The following ABI3BP variants were observed in gnomAD, a reference collection of about 807,000 sequenced individuals.
ABI3BP encodes the protein target of Nesh-SH3.
Under a neutral mutation model 268.6 loss-of-function variants are expected in ABI3BP, and 216 were observed. The ratio of observed to expected loss-of-function variants is 0.80; its 90% CI spans 0.72 to 0.90. The LOEUF is 0.90. ABI3BP is among the 40% of genes least tolerant of loss of function. ABI3BP has a pLI of 0.00. For missense variants in ABI3BP, 2,090 were observed against 2,182.4 expected (o/e 0.96, Z 0.84); for synonymous variants, 730 against 730.0 (o/e 1.00, Z 0.00).
At chr3:100,969,092 G>A (rs1169972521) in intron 1 of ABI3BP, among the ~76,000 whole-genome samples, 1 of 152,126 alleles carries the variant, frequency 6.6e-6, no homozygotes, top group East Asian at 1.9e-4. Flanking sequence ...CAAAGGGCGG[G>A]GAAGCATAGA....
intron 17 of ABI3BP, among the ~76,000 whole-genome samples, chr3:100,849,126 A>AAG (rs2098809599): frequency 6.6e-6 from 1 of 151,346 alleles, no homozygotes; most frequent in Admixed American, 6.6e-5. Context: ...AGAAGTGAGC[A>AAG]CCCTTGAGGC....
chr3:100,817,981 A>G (rs554281257), intron 41 of ABI3BP, among the ~76,000 whole-genome samples: 1 of 152,344 alleles, frequency 6.6e-6, no homozygotes, highest in East Asian at 1.9e-4. Flanking sequence ...TGATTCAGTA[A>G]AAGTTAAGAA....
At chr3:100,833,390 T>C (rs1029952340) in intron 29 of ABI3BP, among the ~76,000 whole-genome samples, 4 of 152,186 alleles carry the variant, frequency 2.6e-5, no homozygotes, top group African/African-American at 4.8e-5. Context: ...TATTTTTATA[T>C]TATCTGATGA....
intron 36 of ABI3BP, 42 bp downstream of exon 36, chr3:100,824,816 G>T: frequency 6.7e-7 from 1 of 1,487,718 alleles, no homozygotes; most frequent in Non-Finnish European, 9.0e-7. Flanking sequence ...ACTGCGACAG[G>T]CTGCCAGGGA....
At position 100,989,943 on chromosome 3, in the gene ABI3BP, C is replaced by T. The variant is rs555506136; in HGVS notation, c.79+3363G>A. 2.0e-5 allele frequency among the ~76,000 whole-genome samples: 3 copies of T among 152,302 alleles called. No individual in the cohort carries two copies. In the South Asian group the frequency reaches 6.2e-4, roughly 32 times the overall value. On this transcript the variant is annotated intron_variant, in intron 1 of 67. Transcript: ENST00000471714. Reference sequence around the variant, plus strand: ...TTCACCTCCTGAGAAACAAGCTTAACAGGAGCTCACCTGAAGAGTCTATGA... The same window carrying T: ...TTCACCTCCTGAGAAACAAGCTTAATAGGAGCTCACCTGAAGAGTCTATGA...
chr3:100,848,832 G>C lies in ABI3BP; in HGVS notation c.1545C>G (p.Arg515=). Reference sequence around the variant, plus strand: ...TGGTTCTTGGCGGTTTGGGCCGGGGGCGTCGTTTAGGTGTAGAAGGGATAG... The same window carrying C: ...TGGTTCTTGGCGGTTTGGGCCGGGGCCGTCGTTTAGGTGTAGAAGGGATAG... ...TTSIPSTPKR[R]PRPKPPRTKP... The change falls in exon 18 of 68, where the codon CGC becomes CGG. Residue 515 remains arginine, a synonymous_variant. Coordinates refer to ENST00000471714, the MANE Select transcript of ABI3BP (RefSeq NM_001375547.2). 6.2e-7 allele frequency: 1 copy of C among 1,613,402 alleles called. No individual in the cohort carries two copies. The highest frequency in any genetic ancestry group is 8.5e-7 in the Non-Finnish European group (1 of 1,179,420).
intron 19 of ABI3BP, among the ~76,000 whole-genome samples, chr3:100,846,711 T>C (rs2098773293): frequency 6.6e-6 from 1 of 152,188 alleles, no homozygotes; most frequent in African/African-American, 2.4e-5. Context: ...TCACAGTAAC[T>C]ACTCAAAGTA....
At chr3:100,797,999 G>C (rs1161524687) in intron 51 of ABI3BP, among the ~76,000 whole-genome samples, 2 of 152,016 alleles carry the variant, frequency 1.3e-5, no homozygotes, top group African/African-American at 4.8e-5. Context: ...GCTGAAGAAG[G>C]CACTTTGATT....
In ABI3BP at chr3:100,834,149, T is replaced by C. The variant is rs116308350; in HGVS notation, c.2281+535A>G. Reference sequence around the variant, plus strand: ...CCATATCTGGCTAGTTTTTCTTAAATTTTTTGTAGAAATGGAGTTCTCCCT... The same window carrying C: ...CCATATCTGGCTAGTTTTTCTTAAACTTTTTGTAGAAATGGAGTTCTCCCT... On this transcript the variant is annotated intron_variant, in intron 29 of 67. Coordinates refer to ENST00000471714, the MANE Select transcript of ABI3BP (RefSeq NM_001375547.2). Among the ~76,000 whole-genome samples, 835 of 152,274 alleles carry C rather than the reference T, an allele frequency of 5.5e-3. 12 individuals carry two copies. The highest frequency in any genetic ancestry group is 0.019 in the African/African-American group (804 of 41,560).
intron 13 of ABI3BP, 151 bp from the exon 14 acceptor site, chr3:100,862,536 C>T: frequency 1.6e-6 from 1 of 606,956 alleles, no homozygotes; most frequent in East Asian, 2.8e-5. Context: ...AGTAAGAAAT[C>T]AGTATGTATC....
At chr3:100,816,016 T>C (rs2098030256) in intron 43 of ABI3BP, 45 bp from the exon 44 acceptor site, 1 of 1,374,324 alleles carries the variant, frequency 7.3e-7, no homozygotes, top group Non-Finnish European at 9.7e-7. Context: ...TTAAAGACTT[T>C]TTAAAAAAAA....
chr3:100,833,759 A>G (rs1321142252), intron 29 of ABI3BP, among the ~76,000 whole-genome samples: 2 of 152,192 alleles, frequency 1.3e-5, no homozygotes, highest in African/African-American at 4.8e-5. Flanking sequence ...GCTGGAGCCA[A>G]TTGGCTCAAA....
intron 1 of ABI3BP, among the ~76,000 whole-genome samples, chr3:100,979,705 T>C (rs911857647): frequency 1.3e-5 from 2 of 149,014 alleles, no homozygotes; most frequent in Non-Finnish European, 1.5e-5. Flanking sequence ...TAAATACTTG[T>C]TGTCTTAATT....
intron 1 of ABI3BP, among the ~76,000 whole-genome samples, chr3:100,966,974 A>G (rs936114684): frequency 6.6e-6 from 1 of 151,864 alleles, no homozygotes. Context: ...TGACTCAGAT[A>G]TGGGAGACTT....
At chr3:100,828,882 G>A (rs1323726661) in intron 33 of ABI3BP, among the ~76,000 whole-genome samples, 1 of 152,118 alleles carries the variant, frequency 6.6e-6, no homozygotes, top group Non-Finnish European at 1.5e-5. Flanking sequence ...CCCAGAGAAA[G>A]CCTGACTGCA....
chr3:100,926,118 AT>A (rs1561726965), intron 2 of ABI3BP, among the ~76,000 whole-genome samples, 183 bp downstream of exon 2: 1 of 152,116 alleles, frequency 6.6e-6, no homozygotes, highest in Non-Finnish European at 1.5e-5. Context: ...GCATGTAATA[AT>A]TTTTTTAATG....
intron 59 of ABI3BP, among the ~76,000 whole-genome samples, chr3:100,776,242 C>T (rs1469024447): frequency 2.0e-5 from 3 of 152,106 alleles, no homozygotes; most frequent in African/African-American, 7.2e-5. Context: ...CAAGCCTGAC[C>T]CAAGGACTAT....
intron 55 of ABI3BP, among the ~76,000 whole-genome samples, chr3:100,792,144 C>T (rs1009701087): frequency 6.6e-6 from 1 of 151,746 alleles, no homozygotes; most frequent in Non-Finnish European, 1.5e-5. Flanking sequence ...AGTTCACTTC[C>T]CCAAAAGCAG....
chr3:100,808,597 G>A lies in ABI3BP; in HGVS notation c.3608-362C>T, dbSNP rs116317587. ...ATTTAGTTGTACTATTTTAAATGCA[G>A]ACACATATGTTTTCTAAATAAAAAA... is the stretch of plus-strand genomic sequence containing the variant. On this transcript the variant is annotated intron_variant, in intron 49 of 67. Transcript: ENST00000471714. 3.6e-3 allele frequency among the ~76,000 whole-genome samples: 543 copies of A among 151,982 alleles called. 5 individuals are homozygous for A. Among genetic ancestry groups the A allele is most frequent in the Non-Finnish European group, 5.3e-3 (360 of 67,930 alleles).
Sources: allele counts gnomAD v4.1 joint callset (sites outside exome capture counted in the v4.1 genomes callset), GRCh38; gene constraint gnomAD v4.1.1; transcripts MANE v1.5; gene names NCBI Gene and HGNC (gene_info 2026-07-23, HGNC 2026-07-21).